The following CDC14A variants were observed in gnomAD, a reference collection of about 807,000 sequenced individuals.
The protein encoded by CDC14A is cell division cycle 14A, also known as dual specificity protein phosphatase CDC14A.
CDC14A carries 53 observed loss-of-function variants against 74.4 expected under a neutral mutation model. That is an observed-to-expected ratio of 0.71 (90% CI 0.57 to 0.89). The LOEUF (loss-of-function observed/expected upper bound fraction) is 0.89. Ranked by LOEUF, CDC14A falls within the 40% of genes least tolerant of loss-of-function variation. CDC14A has a pLI of 0.00. For synonymous variants in CDC14A, 247 were observed against 258.4 expected, an observed-to-expected ratio of 0.96 and a Z score of 0.43; for missense variants, 646 against 713.7, an observed-to-expected ratio of 0.91 and a Z score of 1.08.
At chr1:100,362,538 TTC>T (rs1345442597) in intron 2 of CDC14A, among the ~76,000 whole-genome samples, 1 of 152,252 alleles carries the variant, frequency 6.6e-6, no homozygotes, top group Non-Finnish European at 1.5e-5. Flanking sequence ...TTGAACATTT[TTC>T]TCTCTTTGGT....
intron 8 of CDC14A, among the ~76,000 whole-genome samples, chr1:100,461,359 G>A (rs1667297512): frequency 6.6e-6 from 1 of 152,240 alleles, no homozygotes; most frequent in Non-Finnish European, 1.5e-5. Flanking sequence ...TTGGAGCTGA[G>A]AGCTGACTAG....
intron 2 of CDC14A, among the ~76,000 whole-genome samples, chr1:100,354,920 G>T (rs1325583559): frequency 6.6e-6 from 1 of 152,198 alleles, no homozygotes. Context: ...TTTTATTTGG[G>T]GGAAAACAAT....
At chr1:100,369,049 G>A (rs940622997) in intron 2 of CDC14A, among the ~76,000 whole-genome samples, 56 of 151,756 alleles carry the variant, frequency 3.7e-4, no homozygotes, top group Admixed American at 1.6e-3. Flanking sequence ...GATTCCCGCC[G>A]CCAACAGTGT....
intron 15 of CDC14A, chr1:100,504,734 C>T: frequency 9.4e-7 from 1 of 1,064,890 alleles, no homozygotes; most frequent in Non-Finnish European, 1.4e-6. Context: ...GCTTTCAGGC[C>T]CTCTGTACTG....
intron 10 of CDC14A, among the ~76,000 whole-genome samples, chr1:100,469,496 A>G (rs571863820): frequency 2.8e-4 from 43 of 152,160 alleles, no homozygotes; most frequent in Admixed American, 6.5e-4. Context: ...GTCTTCCTCT[A>G]TTTCTCTGTT....
chr1:100,354,670 GGT>G (rs1229995231), intron 2 of CDC14A, among the ~76,000 whole-genome samples: 55 of 152,296 alleles, frequency 3.6e-4, no homozygotes, highest in African/African-American at 1.3e-3. Context: ...GAATTGACTT[GGT>G]TATGTACTTT....
chr1:100,518,185 G>T, intron 15 of CDC14A, 66 bp from the exon 16 acceptor site: 1 of 1,228,960 alleles, frequency 8.1e-7, no homozygotes, highest in Non-Finnish European at 1.2e-6. Context: ...GGGAGAAGCT[G>T]CATGACTTGC....
chr1:100,497,807 C>T (rs755594624), intron 13 of CDC14A, among the ~76,000 whole-genome samples: 2 of 152,150 alleles, frequency 1.3e-5, no homozygotes, highest in Non-Finnish European at 2.9e-5. Context: ...GGAACTTTTC[C>T]TCTGTGTTTT....
At chr1:100,486,527 A>G (rs2101372553) in intron 11 of CDC14A, among the ~76,000 whole-genome samples, 1 of 152,354 alleles carries the variant, frequency 6.6e-6, no homozygotes, top group Admixed American at 6.5e-5. Flanking sequence ...ATTCAAGATC[A>G]AGGCATCAAC....
At chr1:100,442,108 T>G (rs1261583112) in intron 6 of CDC14A, among the ~76,000 whole-genome samples, 1 of 151,636 alleles carries the variant, frequency 6.6e-6, no homozygotes, top group African/African-American at 2.4e-5. Flanking sequence ...AAGTTCTAAG[T>G]CATTGTTTAC....
Position 100,442,948 on chromosome 1 carries a change from A to AT in CDC14A, c.477dup (p.Asp160Ter). 1 of 1,603,184 alleles carries AT rather than the reference A, an allele frequency of 6.2e-7. No individual in the cohort carries two copies. Among genetic ancestry groups the AT allele is most frequent in the South Asian group, 1.1e-5 (1 of 90,744 alleles). On this transcript the variant is annotated frameshift_variant, in exon 7 of 16. Transcript: ENST00000336454. LOFTEE classifies it high-confidence loss of function. The stretch of plus-strand genomic sequence containing the variant: ...TCTGCTTTTAGGGATTACAACATGG[A>AT]TTTTTTGACTTTGAGACATTTGATG...
intron 10 of CDC14A, among the ~76,000 whole-genome samples, chr1:100,477,482 TG>T (rs1669022573): frequency 2.0e-5 from 3 of 152,016 alleles, no homozygotes; most frequent in South Asian, 4.2e-4. Context: ...ATGAATTGGG[TG>T]GATGGAGATT....
chr1:100,364,990 A>G (rs1653368372), intron 2 of CDC14A, among the ~76,000 whole-genome samples: 1 of 152,236 alleles, frequency 6.6e-6, no homozygotes, highest in African/African-American at 2.4e-5. Context: ...GAAGGTAATA[A>G]GTGGAGAATG....
intron 7 of CDC14A, among the ~76,000 whole-genome samples, chr1:100,454,967 G>A (rs1442610467): frequency 6.6e-6 from 1 of 151,656 alleles, no homozygotes; most frequent in Admixed American, 6.6e-5. Flanking sequence ...TATAAAAAGA[G>A]AAAAAAAATT....
intron 11 of CDC14A, among the ~76,000 whole-genome samples, chr1:100,487,562 AAACAAAACAG>A (rs1387930184): frequency 1.1e-4 from 7 of 65,662 alleles, no homozygotes; most frequent in African/African-American, 1.8e-4. Flanking sequence ...TCGGTCTCAA[AAACAAAACAG>A]AACAAAACAA....
intron 10 of CDC14A, among the ~76,000 whole-genome samples, chr1:100,469,455 T>C (rs1054830487): frequency 1.3e-5 from 2 of 152,206 alleles, no homozygotes; most frequent in Non-Finnish European, 2.9e-5. Context: ...TTCTGTTATT[T>C]TGGAGCTTTA....
At chr1:100,398,097 C>A (rs889621363) in intron 4 of CDC14A, among the ~76,000 whole-genome samples, 3 of 152,044 alleles carry the variant, frequency 2.0e-5, no homozygotes, top group Admixed American at 6.5e-5. Context: ...CTGTTTTTTT[C>A]ATCTTTAAAA....
intron 2 of CDC14A, among the ~76,000 whole-genome samples, chr1:100,370,328 C>G (rs1332325637): frequency 6.6e-6 from 1 of 150,568 alleles, no homozygotes; most frequent in African/African-American, 2.4e-5. Context: ...CCCTTTGTTG[C>G]TCAGGCTAGT....
intron 5 of CDC14A, among the ~76,000 whole-genome samples, chr1:100,425,664 G>C (rs936032720): frequency 1.3e-5 from 2 of 152,178 alleles, no homozygotes; most frequent in African/African-American, 2.4e-5. Flanking sequence ...AATCAACCTA[G>C]AGTCTGAGGT....
Sources: gnomAD v4.1 joint callset for allele counts (sites outside exome capture counted in the v4.1 genomes callset) on GRCh38, gnomAD v4.1.1 for gene constraint, MANE v1.5 for transcripts, NCBI Gene and HGNC (gene_info 2026-07-23, HGNC 2026-07-21) for gene names.